The following GPS1 variants were observed in gnomAD, a reference collection of about 807,000 sequenced individuals.
GPS1 encodes COP9 signalosome complex subunit 1.
GPS1 carries 11 observed loss-of-function variants against 60.0 expected under a neutral mutation model. The ratio of observed to expected loss-of-function variants is 0.18; its 90% CI spans 0.12 to 0.30. The LOEUF is 0.30. GPS1 is among the 10% of genes least tolerant of loss of function. The probability of loss-of-function intolerance (pLI) is 1.00; values close to 1 mark genes in which losing one functional copy is unlikely to be tolerated. For synonymous variants in GPS1, 343 were observed against 269.8 expected (o/e 1.27, Z -2.66); for missense variants, 543 against 669.2 (o/e 0.81, Z 2.08).
chr17:82,055,805 G>C lies in GPS1; in HGVS notation c.814G>C (p.Asp272His), dbSNP rs1264301966. The change falls in exon 7 of 13, where the codon GAT becomes CAT. Residue 272 changes from aspartate (D) to histidine (H), a missense_variant. Around this residue, in one of 3 missense-constraint regions of GPS1, gnomAD observed 291 missense variants for 353.7 expected, o/e 0.82. Coordinates refer to ENST00000578552, the MANE Select transcript of GPS1 (RefSeq NM_001321092.3). ...AAKCLLLASF[D>H]HCDFPELLSP... ...CAAGTGCCTCCTGCTGGCTTCCTTT[G>C]ATCACTGTGACTTCCCTGAGGTGAG... 7 of 1,563,140 alleles carry C rather than the reference G, an allele frequency of 4.5e-6. No homozygotes were observed.
chr17:82,051,424 C>G, upstream of GPS1: 1 of 1,384,186 alleles, frequency 7.2e-7, no homozygotes, highest in South Asian at 1.8e-5. This position sits in a 1 kb window ranked among gnomAD's most constrained non-coding sequence, Gnocchi z 4.1. Flanking sequence ...CCTCCGGGGG[C>G]CTGGGCCGGG....
intron 1 of GPS1, chr17:82,052,596 C>T: frequency 2.8e-6 from 3 of 1,072,868 alleles, no homozygotes; most frequent in African/African-American, 1.6e-5. Flanking sequence ...GAGGGAGCCC[C>T]GGTGGGCCCG....
At chr17:82,055,390 G>A (rs898919602) in intron 6 of GPS1, 168 bp downstream of exon 6, 7 of 722,356 alleles carry the variant, frequency 9.7e-6, no homozygotes, top group Admixed American at 9.1e-5. Context: ...AGTCTGCCCC[G>A]GGGAAGCCAG....
At position 82,056,953 on chromosome 17, in the gene GPS1, C is replaced by T; in HGVS notation, c.1368C>T (p.Leu456=). 2 of 1,612,858 alleles carry T rather than the reference C, an allele frequency of 1.2e-6. No individual in the cohort carries two copies. The highest frequency in any genetic ancestry group is 1.7e-6 in the Non-Finnish European group (2 of 1,179,924). Residue 456 remains leucine (L), a synonymous_variant, in exon 12 of 13, where the codon CTC becomes CTT. Coordinates refer to ENST00000578552, the MANE Select transcript of GPS1 (RefSeq NM_001321092.3). ...AKAMMLRAAV[L]RNQIHVKSPP... is the part of the protein sequence containing the mutation. ...CCATGATGCTGCGGGCAGCTGTGCTCCGCAACCAGATCCATGTCAAGGTGG... is the reference window on the plus strand; with the variant it reads ...CCATGATGCTGCGGGCAGCTGTGCTTCGCAACCAGATCCATGTCAAGGTGG...
intron 6 of GPS1, 22 bp from the exon 7 acceptor site, chr17:82,055,718 C>G: frequency 6.6e-7 from 1 of 1,519,760 alleles, no homozygotes; most frequent in Non-Finnish European, 8.9e-7. Flanking sequence ...CCCCCCTCCC[C>G]GCCCCCGGCT....
chr17:82,055,505 A>C, intron 6 of GPS1: 1 of 607,282 alleles, frequency 1.6e-6, no homozygotes, highest in Non-Finnish European at 2.9e-6. Context: ...CCCTGCTAGC[A>C]CCTAGGGCTT....
Position 82,053,316 on chromosome 17 carries a change from G to T in GPS1, c.76G>T (p.Asp26Tyr). 6.5e-7 allele frequency: 1 copy of T among 1,548,230 alleles called. No individual in the cohort carries two copies. The highest frequency in any genetic ancestry group is 8.7e-7 in the Non-Finnish European group (1 of 1,155,740). The change falls in exon 2 of 13, where the codon GAC becomes TAC. Residue 26 changes from aspartate (D) to tyrosine (Y), a missense_variant. By Grantham distance (160) the Asp-to-Tyr change is radical. Coordinates refer to ENST00000578552, the MANE Select transcript of GPS1 (RefSeq NM_001321092.3). Reference sequence around the variant, plus strand: ...GCAGATCGACGTGGACCCCCAGGAAGACCCGCAGAATGCACCTGACGTCAA... The same window carrying T: ...GCAGATCGACGTGGACCCCCAGGAATACCCGCAGAATGCACCTGACGTCAA... ...PMQIDVDPQE[D>Y]PQNAPDVNYV... is the part of the protein sequence containing the mutation.
intron 12 of GPS1, 37 bp from the exon 13 acceptor site, chr17:82,057,016 C>T (rs1445481027): frequency 1.1e-5 from 18 of 1,610,948 alleles, no homozygotes; most frequent in Non-Finnish European, 1.4e-5. Flanking sequence ...GCGTGTGGGG[C>T]CTGGTGGCTG....
chr17:82,053,690 A>C, intron 2 of GPS1, 178 bp from the exon 3 acceptor site: 1 of 651,696 alleles, frequency 1.5e-6, no homozygotes, highest in Non-Finnish European at 2.5e-6. Flanking sequence ...GGCCCACCCC[A>C]GCGGTCTTCG....
Position 82,055,171 on chromosome 17 carries a change from G to C in GPS1, c.697G>C (p.Glu233Gln), listed in dbSNP as rs764978700. The change falls in exon 6 of 13, where the codon GAG becomes CAG. Residue 233 changes from glutamate to glutamine, a missense_variant. Glu to Gln is a conservative substitution (Grantham distance 29). Transcript: ENST00000578552. The stretch of plus-strand genomic sequence containing the variant: ...TGGCTTCCTCCTACAGCAGCGAGGA[G>C]AGCGTGACAGCCAGACCCAGGCCAT... ...STPEIAEQRG[E>Q]RDSQTQAILT... 1 of 1,563,440 alleles carries C rather than the reference G, an allele frequency of 6.4e-7. No homozygotes were observed. Among genetic ancestry groups the C allele is most frequent in the South Asian group, 1.2e-5 (1 of 85,348 alleles).
At chr17:82,053,614 C>G in intron 2 of GPS1, 1 of 542,816 alleles carries the variant, frequency 1.8e-6, no homozygotes, top group Middle Eastern at 4.8e-4. Context: ...GACCAGCAGT[C>G]ACTAGTGGGT....
At chr17:82,056,233 C>G in intron 8 of GPS1, 53 bp from the exon 9 acceptor site, 1 of 1,428,244 alleles carries the variant, frequency 7.0e-7, no homozygotes, top group South Asian at 1.1e-5. Context: ...CCACTGGCCA[C>G]TTGGAGGGAG....
Position 82,054,847 on chromosome 17 carries a change from G to A in GPS1, c.609+37G>A, listed in dbSNP as rs376959069. ...TCGGCGGGCGGGGGTGGGCAGCATG[G>A]CTGGGCCATTGGGGCGCCCGGGCTC... On this transcript the variant is annotated intron_variant, in intron 4 of 12. Transcript: ENST00000578552. 46 of 1,574,024 alleles carry A rather than the reference G, an allele frequency of 2.9e-5. 2 individuals carry two copies. In the African/African-American group the frequency reaches 4.6e-4, roughly 16 times the overall value.
chr17:82,053,417 C>T (rs2031575600), intron 2 of GPS1, 51 bp downstream of exon 2: 10 of 1,284,190 alleles, frequency 7.8e-6, no homozygotes, highest in Non-Finnish European at 1.0e-5. Flanking sequence ...GCTGAGGGGT[C>T]CAGGGCACAC....
rs745600248 is a variant in GPS1 at position 82,054,887 on chromosome 17, C to A, written c.610-11C>A. Reference sequence around the variant, plus strand: ...CGCCCGGGCTCACTTGGCTCTGCGCCCCCCCGCCAGGTCAGCGTCTACTTG... The same window carrying A: ...CGCCCGGGCTCACTTGGCTCTGCGCACCCCCGCCAGGTCAGCGTCTACTTG... On this transcript the variant is annotated splice_polypyrimidine_tract_variant and intron_variant, in intron 4 of 12. Coordinates refer to ENST00000578552, the MANE Select transcript of GPS1 (RefSeq NM_001321092.3). 7.6e-6 allele frequency: 12 copies of A among 1,573,926 alleles called. No individual in the cohort carries two copies. Among genetic ancestry groups the A allele is most frequent in the South Asian group, 2.3e-5 (2 of 85,644 alleles).
At position 82,055,239 on chromosome 17, in the gene GPS1, C is replaced by T. The variant is rs756320575; in HGVS notation, c.748+17C>T. 8.4e-6 allele frequency: 13 copies of T among 1,550,842 alleles called. No individual in the cohort carries two copies. The Admixed American group carries it at 1.4e-4, about 16-fold the overall frequency. ...GTGCCGCAGGTGAGGGCCTGGGTCA[C>T]GCCCAGCTGACCCCACGTTCCCCTG... On this transcript the variant is annotated intron_variant, in intron 6 of 12. Transcript: ENST00000578552.
intron 1 of GPS1, chr17:82,052,896 T>C: frequency 4.1e-6 from 1 of 244,746 alleles, no homozygotes; most frequent in East Asian, 9.3e-5. Flanking sequence ...GGCGTCCCGT[T>C]CTTCTCCGTG....
chr17:82,051,685 G>A (rs1307417817), upstream of GPS1: 1 of 1,004,046 alleles, frequency 1.0e-6, no homozygotes, highest in East Asian at 1.1e-4. This position sits in a 1 kb window ranked among gnomAD's most constrained non-coding sequence, Gnocchi z 4.1. Context: ...CGGGGCAGCG[G>A]CAGCGGCAGT....
intron 2 of GPS1, chr17:82,053,659 A>G (rs890989209): frequency 1.7e-6 from 1 of 581,958 alleles, no homozygotes; most frequent in South Asian, 2.4e-5. Flanking sequence ...GCAGGGTCCC[A>G]CTCCTGAGGC....
Sources: gnomAD v4.1 joint callset for allele counts on GRCh38, gnomAD v4.1.1 for gene constraint, gnomAD v4.1.1 regional missense constraint, Gnocchi (gnomAD v3.1) non-coding constraint, MANE v1.5 for transcripts, NCBI Gene and HGNC (gene_info 2026-07-23, HGNC 2026-07-21) for gene names.